NDUFA10: variants seen among roughly 807,000 people sequenced by gnomAD.
NDUFA10 encodes the protein NADH:ubiquinone oxidoreductase subunit A10.
A neutral mutation model predicts 47.8 loss-of-function variants in NDUFA10; 40 were observed. That is an observed-to-expected ratio of 0.84 (90% CI 0.65 to 1.09). NDUFA10 has a LOEUF of 1.09. NDUFA10 is among the 50% of genes least tolerant of loss of function. The pLI, the probability that NDUFA10 is intolerant of heterozygous loss-of-function variation, is 0.00. For missense variants in NDUFA10, 413 were observed against 451.1 expected (o/e 0.92, Z 0.76); for synonymous variants, 183 against 172.2 (o/e 1.06, Z -0.49).
At chr2:239,966,954 C>T (rs1167181042) in intron 9 of NDUFA10, among the ~76,000 whole-genome samples, 1 of 151,108 alleles carries the variant, frequency 6.6e-6, no homozygotes, top group South Asian at 2.1e-4. Flanking sequence ...GCCGTGTCCC[C>T]TGGCTCCTGA....
chr2:239,899,712 T>C (rs187345458), intron 4 of NDUFA10, among the ~76,000 whole-genome samples: 28 of 152,094 alleles, frequency 1.8e-4, no homozygotes, highest in Middle Eastern at 6.8e-3. Flanking sequence ...GTAGAGAAGC[T>C]CCTGGGCCTC....
Position 239,906,152 on chromosome 2 carries a change from G to T in NDUFA10, c.295-10838C>A, listed in dbSNP as rs552073137. ...GGGCTCTGGGCGGGCCCTGCTCTGTGCCTAGATATTTCACACTCCAGCACA... is the reference window on the plus strand; with the variant it reads ...GGGCTCTGGGCGGGCCCTGCTCTGTTCCTAGATATTTCACACTCCAGCACA... On this transcript the variant is annotated intron_variant, in intron 4 of 5. Transcript: ENST00000419408. This position sits in a 1 kb window ranked among gnomAD's most constrained non-coding sequence, Gnocchi z 4.3. Among the ~76,000 whole-genome samples the T allele has an allele frequency of 1.9e-4, 29 of 152,240 alleles. No individual in the cohort carries two copies. The highest frequency in any genetic ancestry group is 1.5e-3 in the South Asian group (7 of 4,824).
chr2:239,893,654 AATCCATTCATG>A (rs1379113315), intron 5 of NDUFA10, among the ~76,000 whole-genome samples: 1 of 152,160 alleles, frequency 6.6e-6, no homozygotes, highest in Non-Finnish European at 1.5e-5. Flanking sequence ...ATAAGGCACT[AATCCATTCATG>A]AGGACCTGAT....
chr2:239,963,992 C>G (rs1460720829), intron 9 of NDUFA10, among the ~76,000 whole-genome samples: 1 of 152,186 alleles, frequency 6.6e-6, no homozygotes, highest in African/African-American at 2.4e-5. Flanking sequence ...AGCGGGGAAG[C>G]AGTCAGCAGC....
chr2:239,979,559 G>A (rs571850043), intron 9 of NDUFA10, among the ~76,000 whole-genome samples: 2 of 151,374 alleles, frequency 1.3e-5, no homozygotes, highest in Non-Finnish European at 1.5e-5. Flanking sequence ...GCAAGGAGGG[G>A]CAACAATGCC....
At chr2:239,921,333 G>T (rs1270416388) in intron 4 of NDUFA10, among the ~76,000 whole-genome samples, 1 of 127,032 alleles carries the variant, frequency 7.9e-6, no homozygotes, top group Non-Finnish European at 1.7e-5. Flanking sequence ...CTGACCCAAA[G>T]AGTGGAGAAG....
intron 9 of NDUFA10, among the ~76,000 whole-genome samples, chr2:239,968,238 T>C (rs190325259): frequency 7.2e-5 from 11 of 152,120 alleles, no homozygotes; most frequent in Admixed American, 7.2e-4. Flanking sequence ...GCAGACAGCA[T>C]GCGGATCAGC....
At chr2:240,023,282 A>C (rs1461280107) in intron 1 of NDUFA10, among the ~76,000 whole-genome samples, 3 of 152,374 alleles carry the variant, frequency 2.0e-5, no homozygotes, top group East Asian at 3.8e-4. Context: ...ATAAAAACAC[A>C]CAGCTTATTT....
At chr2:239,940,193 G>A (rs1694338587) in intron 4 of NDUFA10, among the ~76,000 whole-genome samples, 1 of 152,246 alleles carries the variant, frequency 6.6e-6, no homozygotes, top group South Asian at 2.1e-4. Flanking sequence ...GGCAAAACCA[G>A]CCACAGATGA....
At chr2:239,941,917 A>G (rs992307729) in intron 4 of NDUFA10, among the ~76,000 whole-genome samples, 1 of 152,214 alleles carries the variant, frequency 6.6e-6, no homozygotes, top group African/African-American at 2.4e-5. Context: ...ATTTATTTTA[A>G]TATCAGTTTT....
intron 4 of NDUFA10, among the ~76,000 whole-genome samples, chr2:239,911,666 A>AGTGTGT (rs1271984352): frequency 2.5e-3 from 213 of 86,354 alleles, no homozygotes; most frequent in African/African-American, 8.7e-3. Flanking sequence ...CCAAAACATG[A>AGTGTGT]GAGAGTGTGT....
At chr2:239,927,180 C>A (rs913231623) in intron 4 of NDUFA10, among the ~76,000 whole-genome samples, 1 of 152,032 alleles carries the variant, frequency 6.6e-6, no homozygotes, top group Non-Finnish European at 1.5e-5. Context: ...CTAATGTGTG[C>A]ATTTGTGCCT....
intron 4 of NDUFA10, among the ~76,000 whole-genome samples, chr2:239,940,266 C>A (rs1370856169): frequency 6.6e-6 from 1 of 152,212 alleles, no homozygotes; most frequent in Admixed American, 6.5e-5. Flanking sequence ...TGGGATGTGG[C>A]CCCCGGGCCA....
chr2:239,901,908 A>G (rs1192380728), intron 4 of NDUFA10, among the ~76,000 whole-genome samples: 1 of 152,178 alleles, frequency 6.6e-6, no homozygotes, highest in Non-Finnish European at 1.5e-5. Flanking sequence ...AGCTAGAATC[A>G]GAAGTGGAGC....
At chr2:239,969,400 A>AG (rs2106406138) in intron 9 of NDUFA10, 1 of 247,780 alleles carries the variant, frequency 4.0e-6, no homozygotes, top group Non-Finnish European at 8.3e-6. Flanking sequence ...TACTGCAGGG[A>AG]GGAAAGTGTG....
intron 8 of NDUFA10, among the ~76,000 whole-genome samples, chr2:240,000,158 G>A (rs1459017117): frequency 2.0e-5 from 3 of 152,206 alleles, no homozygotes; most frequent in Non-Finnish European, 4.4e-5. Context: ...ACATTTCATC[G>A]TGATTTTTAG....
Position 239,959,974 on chromosome 2 carries a change from T to C in NDUFA10, c.*1144A>G. The C allele has an allele frequency of 1.0e-6, 1 of 985,494 alleles. No homozygotes were observed. The highest frequency in any genetic ancestry group is 1.2e-6 in the Non-Finnish European group (1 of 829,928). 61.0% of individuals were successfully genotyped at this position (985,494 alleles called of 1,614,324 possible). ...AGAGCATCGTCCTCTGCACCAGCAC[T>C]GGAACTACTGCCCACAGGCGGCTGT... is the stretch of plus-strand genomic sequence containing the variant. On this transcript the variant is annotated 3_prime_UTR_variant, in exon 10 of 10. Coordinates refer to ENST00000252711, the MANE Select transcript of NDUFA10 (RefSeq NM_004544.4).
intron 4 of NDUFA10, among the ~76,000 whole-genome samples, chr2:239,944,392 G>A (rs892799798): frequency 1.3e-5 from 2 of 152,190 alleles, no homozygotes; most frequent in Non-Finnish European, 2.9e-5. Context: ...AGATCCCAAG[G>A]CTGCATCTCT....
chr2:239,999,728 G>A (rs1034754321), intron 8 of NDUFA10, among the ~76,000 whole-genome samples: 1 of 152,246 alleles, frequency 6.6e-6, no homozygotes, highest in Non-Finnish European at 1.5e-5. Flanking sequence ...CCTGACAGCT[G>A]CAGCTAAAGC....
Sources: allele counts gnomAD v4.1 joint callset (sites outside exome capture counted in the v4.1 genomes callset), GRCh38; gene constraint gnomAD v4.1.1; non-coding constraint Gnocchi (gnomAD v3.1); transcripts MANE v1.5; gene names NCBI Gene and HGNC (gene_info 2026-07-23, HGNC 2026-07-21).